The following LRRIQ1 variants were observed in gnomAD, a reference collection of about 807,000 sequenced individuals.
LRRIQ1 encodes the protein leucine-rich repeat- and IQ domain-containing protein 1.
LRRIQ1 carries 210 observed loss-of-function variants against 211.9 expected under a neutral mutation model. The ratio of observed to expected loss-of-function variants is 0.99; its 90% CI spans 0.89 to 1.11. The LOEUF (loss-of-function observed/expected upper bound fraction) is 1.11, where lower values mean the gene tolerates loss of function less well. LRRIQ1 is among the 50% of genes most tolerant of loss of function. LRRIQ1 has a pLI of 0.00. For missense variants in LRRIQ1, 2,136 were observed against 1,939.5 expected (o/e 1.10, Z -1.90); for synonymous variants, 699 against 650.1 (o/e 1.08, Z -1.14).
At chr12:85,162,776 G>A (rs994508649) in intron 24 of LRRIQ1, 10 of 455,496 alleles carry the variant, frequency 2.2e-5, no homozygotes, top group Admixed American at 1.2e-4. Flanking sequence ...ATTTTGTTTC[G>A]TTTGCTTTCT....
intron 24 of LRRIQ1, among the ~76,000 whole-genome samples, chr12:85,194,555 A>C (rs1165589918): frequency 6.6e-6 from 1 of 150,884 alleles, no homozygotes; most frequent in African/African-American, 2.4e-5. Context: ...AAACTGAACA[A>C]CCTGCTCCTG....
chr12:85,267,209 G>A (rs1896439203), downstream of LRRIQ1, among the ~76,000 whole-genome samples: 1 of 152,084 alleles, frequency 6.6e-6, no homozygotes, highest in African/African-American at 2.4e-5. Flanking sequence ...TAAGTATGAT[G>A]TGAGCCATGT....
downstream of LRRIQ1, among the ~76,000 whole-genome samples, chr12:85,265,941 CAG>C (rs1170998680): frequency 3.3e-5 from 5 of 151,868 alleles, no homozygotes; most frequent in African/African-American, 1.2e-4. Flanking sequence ...CTACACAAAA[CAG>C]GGCACACAAA....
chr12:85,137,898 G>A lies in LRRIQ1; in HGVS notation c.4258G>A (p.Glu1420Lys). ...GCGAAAGAAACTGACAACAGCTCTA[G>A]AGGCTATTAAGAATGAAGAATCCGA... is the stretch of plus-strand genomic sequence containing the variant. ...ILRKKLTTAL[E>K]AIKNEESDEE... is the part of the protein sequence containing the mutation. Residue 1420 changes from glutamate (E) to lysine (K), a missense_variant, in exon 19 of 27, where the codon GAG (glutamate) becomes AAG (lysine). Physicochemically the swap from Glu to Lys is moderately conservative, Grantham distance 56 (BLOSUM62 1). Coordinates refer to ENST00000393217, the MANE Select transcript of LRRIQ1 (RefSeq NM_001079910.2). 6.3e-7 allele frequency: 1 copy of A among 1,589,454 alleles called. No individual in the cohort carries two copies. The highest frequency in any genetic ancestry group is 8.6e-7 in the Non-Finnish European group (1 of 1,164,044).
At chr12:85,199,895 A>G (rs1893207423) in intron 24 of LRRIQ1, among the ~76,000 whole-genome samples, 1 of 152,186 alleles carries the variant, frequency 6.6e-6, no homozygotes, top group Non-Finnish European at 1.5e-5. Context: ...CATACCAGTC[A>G]GGTAATGTAA....
intron 19 of LRRIQ1, among the ~76,000 whole-genome samples, chr12:85,141,081 T>C (rs184432788): frequency 3.1e-4 from 47 of 151,428 alleles, no homozygotes; most frequent in African/African-American, 1.0e-3. Context: ...GTTGGCCTTA[T>C]ACATTTTGTT....
At chr12:85,115,053 T>C (rs1270596582) in intron 15 of LRRIQ1, among the ~76,000 whole-genome samples, 1 of 152,224 alleles carries the variant, frequency 6.6e-6, no homozygotes, top group Non-Finnish European at 1.5e-5. Flanking sequence ...TAGACTCAGT[T>C]TGAAATCTCC....
chr12:85,063,675 C>G (rs1270345247), intron 8 of LRRIQ1, among the ~76,000 whole-genome samples: 1 of 151,470 alleles, frequency 6.6e-6, no homozygotes, highest in Admixed American at 6.6e-5. Flanking sequence ...ATCATCTCCA[C>G]TTCCCTCAAC....
intron 15 of LRRIQ1, among the ~76,000 whole-genome samples, chr12:85,117,172 G>C (rs943784581): frequency 2.0e-5 from 3 of 152,174 alleles, no homozygotes; most frequent in East Asian, 3.9e-4. Flanking sequence ...TATAGAGAGT[G>C]AATAAGAAGC....
chr12:85,166,719 G>A (rs976466000), intron 24 of LRRIQ1, among the ~76,000 whole-genome samples: 1 of 152,180 alleles, frequency 6.6e-6, no homozygotes, highest in African/African-American at 2.4e-5. Flanking sequence ...GGCATATGCA[G>A]GCAACAAAAT....
intron 24 of LRRIQ1, among the ~76,000 whole-genome samples, chr12:85,195,714 A>G (rs1177003876): frequency 1.3e-5 from 2 of 151,972 alleles, no homozygotes; most frequent in Non-Finnish European, 1.5e-5. Flanking sequence ...CCCACAGCCA[A>G]TATCATACGG....
exon 2 of LRRIQ1, chr12:85,264,350 C>G (rs1036585043): frequency 1.3e-5 from 2 of 151,882 alleles, no homozygotes; most frequent in African/African-American, 4.8e-5. Context: ...TATTCTGTAA[C>G]CTGTGTAATT....
At chr12:85,120,522 T>C (rs970827599) in intron 15 of LRRIQ1, among the ~76,000 whole-genome samples, 6 of 152,210 alleles carry the variant, frequency 3.9e-5, no homozygotes, top group African/African-American at 1.4e-4. Flanking sequence ...ATCTTTTACC[T>C]CTCTATATAA....
At chr12:85,062,171 A>G (rs1881890738) in intron 8 of LRRIQ1, among the ~76,000 whole-genome samples, 1 of 151,848 alleles carries the variant, frequency 6.6e-6, no homozygotes, top group Non-Finnish European at 1.5e-5. Flanking sequence ...AGTATGGTAT[A>G]CACAAGAATA....
At chr12:85,240,728 A>G (rs1469899987) in intron 26 of LRRIQ1, among the ~76,000 whole-genome samples, 1 of 152,150 alleles carries the variant, frequency 6.6e-6, no homozygotes, top group Non-Finnish European at 1.5e-5. Flanking sequence ...GATCTCAAGA[A>G]CATTATGTTG....
intron 11 of LRRIQ1, among the ~76,000 whole-genome samples, chr12:85,084,371 A>C (rs1884603558): frequency 6.6e-6 from 1 of 152,186 alleles, no homozygotes; most frequent in Admixed American, 6.5e-5. Flanking sequence ...ACATTGTAAT[A>C]ATTCAGCCAA....
In LRRIQ1 at chr12:85,137,565, A is replaced by T. The variant is rs139739175; in HGVS notation, c.4210-285A>T. 2.5e-3 allele frequency among the ~76,000 whole-genome samples: 375 copies of T among 151,618 alleles called. 3 individuals carry two copies. The highest frequency in any genetic ancestry group is 8.6e-3 in the African/African-American group (355 of 41,440). On this transcript the variant is annotated intron_variant, in intron 18 of 26. Transcript: ENST00000393217. The stretch of plus-strand genomic sequence containing the variant: ...CTTAGTTTAGAATGGGTCCTGGAGG[A>T]ATTGTAACATAATTGATTGGTTGAC...
At chr12:85,113,907 T>TTGTGTGTGTGTGTG (rs71076112) in intron 15 of LRRIQ1, among the ~76,000 whole-genome samples, 6,531 of 140,840 alleles carry the variant, frequency 0.046, 192 homozygotes, top group Middle Eastern at 0.069. Flanking sequence ...CAAATGAGTT[T>TTGTGTGTGTGTGTG]TGTGTGTGTG....
intron 11 of LRRIQ1, among the ~76,000 whole-genome samples, chr12:85,096,853 G>A (rs972628997): frequency 6.6e-6 from 1 of 152,150 alleles, no homozygotes; most frequent in Non-Finnish European, 1.5e-5. Flanking sequence ...TGTTGGATCT[G>A]TATGTATTTA....
Sources: gnomAD v4.1 joint callset for allele counts (sites outside exome capture counted in the v4.1 genomes callset) on GRCh38, gnomAD v4.1.1 for gene constraint, MANE v1.5 for transcripts, NCBI Gene and HGNC (gene_info 2026-07-23, HGNC 2026-07-21) for gene names.